Variants in GALNT15 observed in about 807,000 individuals in gnomAD.
GALNT15 encodes the protein polypeptide N-acetylgalactosaminyltransferase 15.
In GALNT15, 67 loss-of-function variants were observed where a neutral mutation model predicts 66.8. The observed-to-expected ratio is 1.00, with a 90% CI of 0.82 to 1.23. The LOEUF (loss-of-function observed/expected upper bound fraction) is 1.23. GALNT15 is among the 50% of genes most tolerant of loss of function. The pLI is 0.00. For missense variants in GALNT15, 827 were observed against 804.3 expected (o/e 1.03, Z -0.34); for synonymous variants, 313 against 311.5 (o/e 1.00, Z -0.05).
At chr3:16,240,020 C>T in the GALNT15 span, among the ~76,000 whole-genome samples, 5 of 152,202 alleles carry the variant, frequency 3.3e-5, no homozygotes, top group Non-Finnish European at 5.9e-5. Context: ...ATCCTCCAAC[C>T]CTTTGGTTCT....
chr3:16,192,438 T>C (rs1199307287), intron 1 of GALNT15, among the ~76,000 whole-genome samples: 1 of 151,446 alleles, frequency 6.6e-6, no homozygotes, highest in Non-Finnish European at 1.5e-5. Context: ...ATAGCCAGCC[T>C]CCCGGCAACA....
chr3:16,199,277 C>T lies in GALNT15; in HGVS notation c.707-1342C>T, dbSNP rs368392795. 1.4e-5 allele frequency among the ~76,000 whole-genome samples: 2 copies of T among 141,290 alleles called. 1 individual carries two copies. The highest frequency in any genetic ancestry group is 5.3e-5 in the African/African-American group (2 of 37,872). 92.7% of individuals were successfully genotyped at this position (141,290 alleles called of 152,430 possible). On this transcript the variant is annotated intron_variant, in intron 2 of 9. Transcript: ENST00000339732. The stretch of plus-strand genomic sequence containing the variant: ...TATCTTAAACACAAAACCTAACAAG[C>T]TTCTCTCATCCTTTCCGTCATCTTC...
chr3:16,186,809 C>T lies in GALNT15; in HGVS notation c.540-8951C>T, dbSNP rs886222434. On this transcript the variant is annotated intron_variant, in intron 1 of 9. Transcript: ENST00000339732. This position sits in a 1 kb window ranked among gnomAD's most constrained non-coding sequence, Gnocchi z 5.1. Reference sequence around the variant, plus strand: ...TGTGGGAGCAGTGGGAAGTGACTGCCAATGGGTAGTAGGTTTTTGGGGGTG... The same window carrying T: ...TGTGGGAGCAGTGGGAAGTGACTGCTAATGGGTAGTAGGTTTTTGGGGGTG... 6.6e-6 allele frequency among the ~76,000 whole-genome samples: 1 copy of T among 152,102 alleles called. No homozygotes were observed. Among genetic ancestry groups the T allele is most frequent in the African/African-American group, 2.4e-5 (1 of 41,406 alleles).
At chr3:16,212,913 T>G in intron 6 of GALNT15, 150 bp downstream of exon 6, 1 of 667,558 alleles carries the variant, frequency 1.5e-6, no homozygotes, top group Non-Finnish European at 2.5e-6. Flanking sequence ...AAGTGGCTCC[T>G]CCACCTGGTG....
the GALNT15 span, among the ~76,000 whole-genome samples, chr3:16,243,547 G>A: frequency 2.0e-5 from 3 of 152,356 alleles, no homozygotes; most frequent in Admixed American, 6.5e-5. Flanking sequence ...GGTGATCAAA[G>A]TTAGGTTTAT....
chr3:16,216,878 C>CGG, intron 6 of GALNT15, among the ~76,000 whole-genome samples: 1 of 152,214 alleles, frequency 6.6e-6, no homozygotes, highest in Admixed American at 6.5e-5. Flanking sequence ...GAGATCATAT[C>CGG]GGGAAGCTGA....
intron 3 of GALNT15, among the ~76,000 whole-genome samples, chr3:16,207,027 A>G (rs902188734): frequency 7.9e-5 from 12 of 152,314 alleles, no homozygotes; most frequent in Middle Eastern, 3.4e-3. Flanking sequence ...ACCCAGAGGG[A>G]TTATGTTCCC....
At chr3:16,218,810 CTTTTTTT>C (rs10538222) in intron 6 of GALNT15, among the ~76,000 whole-genome samples, 4 of 92,918 alleles carry the variant, frequency 4.3e-5, no homozygotes, top group African/African-American at 4.5e-5. Flanking sequence ...CTCTCTCTCT[CTTTTTTT>C]TTTTTTTTTT....
intron 1 of GALNT15, among the ~76,000 whole-genome samples, chr3:16,185,718 G>A (rs984989557): frequency 3.3e-5 from 5 of 151,808 alleles, no homozygotes; most frequent in African/African-American, 4.8e-5. Context: ...CATTCTGCTC[G>A]CACTGTAGTC....
At chr3:16,185,670 C>A (rs1040987721) in intron 1 of GALNT15, among the ~76,000 whole-genome samples, 3 of 152,192 alleles carry the variant, frequency 2.0e-5, no homozygotes, top group African/African-American at 7.2e-5. Flanking sequence ...TTTCAAATAA[C>A]CTTCCATCAT....
At chr3:16,202,797 G>A (rs759879537) in intron 3 of GALNT15, among the ~76,000 whole-genome samples, 4 of 152,178 alleles carry the variant, frequency 2.6e-5, no homozygotes, top group Non-Finnish European at 4.4e-5. Flanking sequence ...ACAGACAGGT[G>A]GCTCTCAGAG....
Position 16,229,093 on chromosome 3 carries a change from C to A in GALNT15, c.*1593C>A. ...CACATGGTCAGCTTAGAAATCTTCC[C>A]CTAAAGATGCTAATCTCCTTTGGGC... is the stretch of plus-strand genomic sequence containing the variant. On this transcript the variant is annotated 3_prime_UTR_variant, in exon 10 of 10. Coordinates refer to ENST00000339732, the MANE Select transcript of GALNT15 (RefSeq NM_054110.5). 1 of 985,408 alleles carries A rather than the reference C, an allele frequency of 1.0e-6. No individual in the cohort carries two copies. Among genetic ancestry groups the A allele is most frequent in the South Asian group, 4.7e-5 (1 of 21,284 alleles). 61.0% of individuals were successfully genotyped at this position (985,408 alleles called of 1,614,324 possible).
chr3:16,194,519 A>G (rs1489283481), intron 1 of GALNT15, among the ~76,000 whole-genome samples: 3 of 152,248 alleles, frequency 2.0e-5, no homozygotes, highest in Non-Finnish European at 4.4e-5. Flanking sequence ...TTTGCTGTGC[A>G]GAAGTGCACA....
At chr3:16,246,425 A>T in the GALNT15 span, among the ~76,000 whole-genome samples, 3 of 148,284 alleles carry the variant, frequency 2.0e-5, no homozygotes, top group African/African-American at 7.6e-5. Flanking sequence ...TCCCGGGTTC[A>T]AGTGATTCTC....
intron 1 of GALNT15, among the ~76,000 whole-genome samples, chr3:16,194,570 G>A (rs556166885): frequency 1.2e-4 from 18 of 152,130 alleles, no homozygotes; most frequent in South Asian, 2.1e-4. Context: ...GTGAAGTCAC[G>A]GAATCAACCC....
downstream of GALNT15, among the ~76,000 whole-genome samples, chr3:16,230,331 T>A (rs1352929259): frequency 6.6e-6 from 1 of 152,156 alleles, no homozygotes; most frequent in Non-Finnish European, 1.5e-5. This position sits in a 1 kb window ranked among gnomAD's most constrained non-coding sequence, Gnocchi z 4.5. Context: ...ATGCCATAGA[T>A]CCCACTGGAA....
In GALNT15 at chr3:16,183,800, C is replaced by T. The variant is rs531219196; in HGVS notation, c.539+8110C>T. Among the ~76,000 whole-genome samples, 2 of 152,300 alleles carry T rather than the reference C, an allele frequency of 1.3e-5. No individual in the cohort carries two copies. The highest frequency in any genetic ancestry group is 2.1e-4 in the South Asian group (1 of 4,822). ...CCAGGCAAGGGGAGGGAGGGAAGAG[C>T]GTCAGTACTACAGCCAGGCCATCTG... On this transcript the variant is annotated intron_variant, in intron 1 of 9. Transcript: ENST00000339732. The surrounding 1 kb of genome is among the most constrained non-coding windows in gnomAD (Gnocchi z 5.2).
the GALNT15 span, among the ~76,000 whole-genome samples, chr3:16,240,852 AG>A: frequency 6.6e-6 from 1 of 152,108 alleles, no homozygotes. Flanking sequence ...CCTGACTACA[AG>A]TTCCTCCCTG....
chr3:16,200,666 G>T lies in GALNT15; in HGVS notation c.754G>T (p.Val252Leu), dbSNP rs573371305. ...LSEYVARLEG[V>L]KLLRSNKRLG... ...CGAATATGTGGCCAGGCTGGAGGGG[G>T]TGAAGTTACTCAGGAGCAACAAGAG... Residue 252 changes from valine to leucine, a missense_variant, in exon 3 of 10, where the codon GTG (valine) becomes TTG (leucine). By Grantham distance (32) the Val-to-Leu change is conservative (BLOSUM62 1). Transcript: ENST00000339732. The surrounding 1 kb of genome is among the most constrained non-coding windows in gnomAD (Gnocchi z 4.4). 5.5e-5 allele frequency: 88 copies of T among 1,602,662 alleles called. No homozygotes were observed. Among genetic ancestry groups the T allele is most frequent in the Middle Eastern group, 1.7e-4 (1 of 6,008 alleles).
Sources: gnomAD v4.1 joint callset for allele counts (sites outside exome capture counted in the v4.1 genomes callset) on GRCh38, gnomAD v4.1.1 for gene constraint, Gnocchi (gnomAD v3.1) non-coding constraint, MANE v1.5 for transcripts, NCBI Gene and HGNC (gene_info 2026-07-23, HGNC 2026-07-21) for gene names.